Variants in ZNF385D observed in about 807,000 individuals in gnomAD.
ZNF385D encodes zinc finger protein 385D, also known as zinc finger protein 659.
ZNF385D carries 15 observed loss-of-function variants against 35.8 expected under a neutral mutation model. That is an observed-to-expected ratio of 0.42 (90% CI 0.28 to 0.64). The LOEUF (loss-of-function observed/expected upper bound fraction) is 0.64, where lower values mean the gene tolerates loss of function less well. ZNF385D is among the 30% of genes least tolerant of loss of function. ZNF385D has a pLI of 0.23. For synonymous variants in ZNF385D, 212 were observed against 186.8 expected, an observed-to-expected ratio of 1.13 and a Z score of -1.10; for missense variants, 474 against 494.6, an observed-to-expected ratio of 0.96 and a Z score of 0.39.
intron 3 of ZNF385D, among the ~76,000 whole-genome samples, chr3:22,004,361 A>G (rs563400144): frequency 1.1e-4 from 16 of 141,378 alleles, no homozygotes; most frequent in African/African-American, 4.0e-4. Flanking sequence ...GCTGCAGGAC[A>G]TTGGTCTAAA....
chr3:22,174,887 T>C (rs1326957839), intron 2 of ZNF385D, among the ~76,000 whole-genome samples: 2 of 152,044 alleles, frequency 1.3e-5, no homozygotes, highest in Non-Finnish European at 2.9e-5. Context: ...GCCATTTCTT[T>C]AAAAATAACT....
intron 2 of ZNF385D, among the ~76,000 whole-genome samples, chr3:21,641,993 TTTTC>T (rs1187566127): frequency 9.9e-5 from 15 of 152,222 alleles, no homozygotes; most frequent in African/African-American, 3.6e-4. Context: ...CCTTCTTCCC[TTTTC>T]TTTGTCACCA....
chr3:21,716,468 G>C (rs894537305), intron 1 of ZNF385D, among the ~76,000 whole-genome samples: 5 of 152,008 alleles, frequency 3.3e-5, no homozygotes, highest in Admixed American at 3.3e-4. Flanking sequence ...CACCCATGCT[G>C]GCCTCTGTAT....
chr3:22,042,688 T>C (rs555628200), intron 3 of ZNF385D, among the ~76,000 whole-genome samples: 1 of 152,148 alleles, frequency 6.6e-6, no homozygotes, highest in South Asian at 2.1e-4. Context: ...GGATCAAAAG[T>C]CTGAGTCTTC....
At chr3:21,708,939 C>A (rs1029554909) in intron 1 of ZNF385D, among the ~76,000 whole-genome samples, 4 of 152,010 alleles carry the variant, frequency 2.6e-5, no homozygotes, top group African/African-American at 9.7e-5. Flanking sequence ...ACTTAACTAT[C>A]ATAAGGCAGT....
chr3:21,573,455 A>G (rs1000756395), intron 2 of ZNF385D, among the ~76,000 whole-genome samples: 1 of 152,250 alleles, frequency 6.6e-6, no homozygotes, highest in Admixed American at 6.5e-5. Context: ...TGGCAACACC[A>G]AGTAATGTTG....
intron 3 of ZNF385D, among the ~76,000 whole-genome samples, chr3:21,872,224 A>G (rs1320544139): frequency 2.0e-5 from 3 of 152,268 alleles, no homozygotes; most frequent in South Asian, 4.1e-4. Context: ...CTCGAGTAAT[A>G]TATGTGGCGA....
At position 21,413,307 on chromosome 3, in the gene ZNF385D, G is replaced by A. The variant is rs1328392780; in HGVS notation, c.*7907C>T. 3 of 151,996 alleles carry A rather than the reference G, an allele frequency of 2.0e-5. No homozygotes were observed. The highest frequency in any genetic ancestry group is 1.9e-4 in the East Asian group (1 of 5,188). 9.4% of individuals were successfully genotyped at this position (151,996 alleles called of 1,614,324 possible). ...GGTGGCACAAATTAGCATTCTGAGC[G>A]TTTTGGCTTCTGGTACTCAAGTCAG... On this transcript the variant is annotated 3_prime_UTR_variant, in exon 8 of 8. Transcript: ENST00000281523.
At chr3:21,947,646 G>T (rs891024313) in intron 3 of ZNF385D, among the ~76,000 whole-genome samples, 1 of 152,120 alleles carries the variant, frequency 6.6e-6, no homozygotes, top group African/African-American at 2.4e-5. Context: ...CACCGCGCCC[G>T]GCTATAAGTT....
At chr3:22,095,382 C>CT (rs940268408) in intron 3 of ZNF385D, among the ~76,000 whole-genome samples, 2 of 151,576 alleles carry the variant, frequency 1.3e-5, no homozygotes, top group African/African-American at 4.8e-5. Flanking sequence ...GATTTTTTCT[C>CT]TTTTTTCATA....
chr3:21,906,869 A>G (rs994027676), intron 3 of ZNF385D, among the ~76,000 whole-genome samples: 2 of 152,158 alleles, frequency 1.3e-5, no homozygotes, highest in African/African-American at 4.8e-5. Context: ...TTCAGTCTTT[A>G]GCTTCTGTAC....
At chr3:21,717,113 C>A (rs1012564611) in intron 1 of ZNF385D, among the ~76,000 whole-genome samples, 1 of 151,976 alleles carries the variant, frequency 6.6e-6, no homozygotes, top group South Asian at 2.1e-4. Context: ...AACCTGGCAA[C>A]GACAATAACA....
chr3:21,962,581 G>A (rs138214536), intron 3 of ZNF385D, among the ~76,000 whole-genome samples: 1 of 152,294 alleles, frequency 6.6e-6, no homozygotes, highest in African/African-American at 2.4e-5. Flanking sequence ...ATAAAATATG[G>A]AAGTACTGAT....
chr3:21,801,809 T>G (rs983447566), intron 3 of ZNF385D, among the ~76,000 whole-genome samples: 1 of 152,170 alleles, frequency 6.6e-6, no homozygotes, highest in South Asian at 2.1e-4. Flanking sequence ...GTGCCCGTCC[T>G]GACCAATTTG....
chr3:21,733,824 CTATT>C (rs1343095771), intron 1 of ZNF385D, among the ~76,000 whole-genome samples: 4 of 152,140 alleles, frequency 2.6e-5, no homozygotes, highest in East Asian at 1.9e-4. Context: ...CAGTTGTCCC[CTATT>C]TATTTAAGAG....
chr3:22,165,286 G>T (rs912115226), intron 3 of ZNF385D, among the ~76,000 whole-genome samples: 6 of 152,148 alleles, frequency 3.9e-5, no homozygotes, highest in African/African-American at 1.2e-4. Context: ...TTTCCACTCA[G>T]TTATGCTTGA....
intron 4 of ZNF385D, among the ~76,000 whole-genome samples, chr3:21,466,275 T>C (rs1703509432): frequency 1.3e-5 from 2 of 152,326 alleles, no homozygotes; most frequent in South Asian, 2.1e-4. Context: ...TCCTGCTTAA[T>C]GTTCTAGACT....
intron 3 of ZNF385D, among the ~76,000 whole-genome samples, chr3:21,935,206 T>C (rs964025130): frequency 1.3e-5 from 2 of 152,166 alleles, no homozygotes; most frequent in African/African-American, 4.8e-5. Flanking sequence ...TATATGCCAT[T>C]GATATTAGCA....
intron 3 of ZNF385D, among the ~76,000 whole-genome samples, chr3:22,041,631 C>A (rs75677653): frequency 6.6e-6 from 1 of 152,036 alleles, no homozygotes; most frequent in African/African-American, 2.4e-5. Context: ...TAGGCTCAGA[C>A]TGAATTGATC....
Sources: gnomAD v4.1 joint callset for allele counts (sites outside exome capture counted in the v4.1 genomes callset) on GRCh38, gnomAD v4.1.1 for gene constraint, MANE v1.5 for transcripts, NCBI Gene and HGNC (gene_info 2026-07-23, HGNC 2026-07-21) for gene names.